Variants in SCNN1B observed in about 807,000 individuals in gnomAD.
SCNN1B encodes epithelial sodium channel subunit beta.
A neutral mutation model predicts 65.3 loss-of-function variants in SCNN1B; 46 were observed. The ratio of observed to expected loss-of-function variants is 0.70; its 90% CI spans 0.56 to 0.90. SCNN1B has a LOEUF of 0.90. Among genes scored for constraint, SCNN1B ranks in the 40% least tolerant of loss-of-function variants. The probability of loss-of-function intolerance (pLI) is 0.00; values close to 1 mark genes in which losing one functional copy is unlikely to be tolerated. For synonymous variants in SCNN1B, 349 were observed against 330.6 expected (o/e 1.06, Z -0.60); for missense variants, 751 against 830.5 (o/e 0.90, Z 1.18).
Position 23,380,646 on chromosome 16 carries a change from T to A in SCNN1B, c.1768T>A (p.Phe590Ile). 6.2e-7 allele frequency: 1 copy of A among 1,613,286 alleles called. No homozygotes were observed. Among genetic ancestry groups the A allele is most frequent in the Non-Finnish European group, 8.5e-7 (1 of 1,179,674 alleles). ...GGTGGAGGCCCACACCAACTTTGGC[T>A]TCCAGCCTGACACGGCCCCCCGCAG... ...ELVEAHTNFGFQPDTAPRSPN... is the reference protein window; with the variant it reads ...ELVEAHTNFGIQPDTAPRSPN... The change falls in exon 13 of 13, where the codon TTC becomes ATC. Residue 590 changes from phenylalanine (F) to isoleucine (I), a missense_variant. Coordinates refer to ENST00000343070, the MANE Select transcript of SCNN1B (RefSeq NM_000336.3). The surrounding 1 kb of genome is among the most constrained non-coding windows in gnomAD (Gnocchi z 5.4).
intron 10 of SCNN1B, among the ~76,000 whole-genome samples, chr16:23,378,027 G>A (rs1962950451): frequency 1.3e-5 from 2 of 151,978 alleles, no homozygotes; most frequent in Non-Finnish European, 2.9e-5. Flanking sequence ...TTTATTTTTG[G>A]AGACAGGGGC....
At chr16:23,332,434 T>G (rs186951141) in intron 1 of SCNN1B, among the ~76,000 whole-genome samples, 1 of 152,164 alleles carries the variant, frequency 6.6e-6, no homozygotes, top group East Asian at 1.9e-4. Context: ...TGACCTCAGG[T>G]AATCCACCCA....
chr16:23,294,368 G>A (rs2141971911), intron 2 of SCNN1B, among the ~76,000 whole-genome samples: 1 of 152,234 alleles, frequency 6.6e-6, no homozygotes, highest in South Asian at 2.1e-4. Flanking sequence ...CTGCACTCCA[G>A]CCTGGGCAAC....
chr16:23,299,477 T>C (rs920441911), upstream of SCNN1B, among the ~76,000 whole-genome samples: 4 of 151,874 alleles, frequency 2.6e-5, no homozygotes, highest in African/African-American at 9.7e-5. Flanking sequence ...CCCTGGGAGG[T>C]CCCAGAGATC....
chr16:23,302,885 C>T (rs1447819430), intron 1 of SCNN1B, among the ~76,000 whole-genome samples: 1 of 152,124 alleles, frequency 6.6e-6, no homozygotes, highest in Non-Finnish European at 1.5e-5. Context: ...CTTGCTGTCC[C>T]CATTTTGCAG....
chr16:23,353,081 G>A lies in SCNN1B; in HGVS notation c.585+7G>A. The A allele has an allele frequency of 6.2e-7, 1 of 1,614,086 alleles. No homozygotes were observed. Among genetic ancestry groups the A allele is most frequent in the Non-Finnish European group, 8.5e-7 (1 of 1,180,022 alleles). ...CAAAATGGCCATGAGACTAGTAAGT[G>A]GTCCCTGGGCACATATCAAGCAATG... On this transcript the variant is annotated splice_region_variant and intron_variant, in intron 3 of 12. Coordinates refer to ENST00000343070, the MANE Select transcript of SCNN1B (RefSeq NM_000336.3).
At chr16:23,330,204 C>T (rs1020158169) in intron 1 of SCNN1B, among the ~76,000 whole-genome samples, 1 of 152,148 alleles carries the variant, frequency 6.6e-6, no homozygotes, top group African/African-American at 2.4e-5. Context: ...CCCAGGGACC[C>T]CGACTCGGCA....
chr16:23,302,592 G>T (rs928879056), intron 1 of SCNN1B, among the ~76,000 whole-genome samples, 155 bp downstream of exon 1: 1 of 152,128 alleles, frequency 6.6e-6, no homozygotes, highest in African/African-American at 2.4e-5. Flanking sequence ...GAGGCGCCTG[G>T]GACCCGGCCT....
At chr16:23,301,121 T>C (rs1464334051), upstream of SCNN1B, among the ~76,000 whole-genome samples, 2 of 151,854 alleles carry the variant, frequency 1.3e-5, no homozygotes, top group Non-Finnish European at 2.9e-5. Flanking sequence ...CCCAACACTT[T>C]GGGAGCCCGA....
chr16:23,282,849 T>G (rs1402335265), intron 1 of SCNN1B, among the ~76,000 whole-genome samples: 3 of 152,236 alleles, frequency 2.0e-5, no homozygotes, highest in African/African-American at 7.2e-5. Context: ...GCCCTGCCTC[T>G]GAGCTGCTTT....
chr16:23,336,884 T>C (rs1961953879), intron 1 of SCNN1B, among the ~76,000 whole-genome samples: 1 of 152,058 alleles, frequency 6.6e-6, no homozygotes, highest in Admixed American at 6.6e-5. Flanking sequence ...ATCTAGTAAG[T>C]AAATAATGAT....
intron 2 of SCNN1B, among the ~76,000 whole-genome samples, chr16:23,289,475 C>G (rs1239295100): frequency 1.3e-5 from 2 of 151,812 alleles, no homozygotes; most frequent in African/African-American, 4.8e-5. Flanking sequence ...CGATTAAGCC[C>G]AGGAGTTTGA....
chr16:23,289,547 T>A, intron 2 of SCNN1B, among the ~76,000 whole-genome samples: 1 of 148,490 alleles, frequency 6.7e-6, no homozygotes, highest in Non-Finnish European at 1.5e-5. Context: ...TGAGACCCTA[T>A]CTCAAAGAAA....
chr16:23,365,371 G>A lies in SCNN1B; in HGVS notation c.777-2485G>A, dbSNP rs148191420. Among the ~76,000 whole-genome samples, 4 of 142,208 alleles carry A rather than the reference G, an allele frequency of 2.8e-5. No individual in the cohort carries two copies. In the East Asian group the frequency reaches 8.1e-4, roughly 29 times the overall value. The allele number at this position is 142,208 out of a possible 152,430, so 93.3% of individuals were successfully genotyped here. A position where few individuals can be genotyped will look rare whatever the true frequency, so the allele number is the denominator to read the frequency against. On this transcript the variant is annotated intron_variant, in intron 4 of 12. Coordinates refer to ENST00000343070, the MANE Select transcript of SCNN1B (RefSeq NM_000336.3). ...AAAAGAAAAGAGAGAAAGAGAGAAA[G>A]GGAAGAAGGGAGGAAGGAAGGAAAA...
At chr16:23,289,142 G>T (rs897044500) in intron 2 of SCNN1B, among the ~76,000 whole-genome samples, 4 of 152,298 alleles carry the variant, frequency 2.6e-5, no homozygotes, top group Non-Finnish European at 4.4e-5. Context: ...ATCACTGGGG[G>T]CACCTTAGAG....
intron 4 of SCNN1B, among the ~76,000 whole-genome samples, chr16:23,360,217 T>TAAATAAAC (rs1962515723): frequency 2.0e-5 from 3 of 150,110 alleles, no homozygotes; most frequent in Admixed American, 6.6e-5. Context: ...AATAAATAAA[T>TAAATAAAC]AAATAAATAA....
At chr16:23,347,579 A>G (rs905132703) in intron 1 of SCNN1B, among the ~76,000 whole-genome samples, 1 of 152,228 alleles carries the variant, frequency 6.6e-6, no homozygotes, top group African/African-American at 2.4e-5. Flanking sequence ...TTCTAATATT[A>G]AACATTGAAA....
chr16:23,314,483 C>T (rs528147659), intron 1 of SCNN1B, among the ~76,000 whole-genome samples: 1 of 152,176 alleles, frequency 6.6e-6, no homozygotes, highest in African/African-American at 2.4e-5. Context: ...AGTAACTTGC[C>T]CAAGGTCACA....
chr16:23,347,336 G>T (rs969177867), intron 1 of SCNN1B, among the ~76,000 whole-genome samples: 5 of 151,976 alleles, frequency 3.3e-5, no homozygotes, highest in Non-Finnish European at 7.4e-5. Flanking sequence ...AGCACTTTTT[G>T]TGCATCGCCG....
Sources: allele counts gnomAD v4.1 joint callset (sites outside exome capture counted in the v4.1 genomes callset), GRCh38; gene constraint gnomAD v4.1.1; non-coding constraint Gnocchi (gnomAD v3.1); transcripts MANE v1.5; gene names NCBI Gene and HGNC (gene_info 2026-07-23, HGNC 2026-07-21).